The following KPNB1 variants were observed in gnomAD, a reference collection of about 807,000 sequenced individuals.
The protein encoded by KPNB1 is importin subunit beta-1.
In KPNB1, 7 loss-of-function variants were observed where a neutral mutation model predicts 113.0. That is an observed-to-expected ratio of 0.06 (90% CI 0.04 to 0.12). The LOEUF is 0.12. KPNB1 is among the 10% of genes least tolerant of loss of function. KPNB1 has a pLI of 1.00. For synonymous variants in KPNB1, 363 were observed against 378.6 expected, an observed-to-expected ratio of 0.96 and a Z score of 0.48; for missense variants, 400 against 1,054.8, an observed-to-expected ratio of 0.38 and a Z score of 8.60.
Position 47,650,166 on chromosome 17 carries a change from C to A in KPNB1, c.-79C>A. 2 of 1,427,920 alleles carry A rather than the reference C, an allele frequency of 1.4e-6. No homozygotes were observed. The highest frequency in any genetic ancestry group is 1.8e-6 in the Non-Finnish European group (2 of 1,098,426). The allele number at this position is 1,427,920 out of a possible 1,614,324, so 88.5% of individuals were successfully genotyped here. On this transcript the variant is annotated 5_prime_UTR_variant, in exon 1 of 22. Coordinates refer to ENST00000290158, the MANE Select transcript of KPNB1 (RefSeq NM_002265.6). ...CCTCCCTTCCCACCCGACCCCCAACCCCCATCCCCAGTTCGAGCCGCCGCC... is the reference window on the plus strand; with the variant it reads ...CCTCCCTTCCCACCCGACCCCCAACACCCATCCCCAGTTCGAGCCGCCGCC...
chr17:47,676,062 G>T (rs1166971139), intron 15 of KPNB1, among the ~76,000 whole-genome samples: 1 of 152,192 alleles, frequency 6.6e-6, no homozygotes, highest in Non-Finnish European at 1.5e-5. Flanking sequence ...GCTATTATCA[G>T]ATGAGGAGGT....
chr17:47,665,623 A>T (rs2030244520), intron 9 of KPNB1, among the ~76,000 whole-genome samples: 1 of 152,240 alleles, frequency 6.6e-6, no homozygotes, highest in African/African-American at 2.4e-5. Flanking sequence ...CCCAAGAAAG[A>T]AACCCTTCTA....
intron 11 of KPNB1, 141 bp from the exon 12 acceptor site, chr17:47,670,561 T>C (rs923575877): frequency 1.5e-6 from 1 of 678,698 alleles, no homozygotes. Context: ...AAAAGATACC[T>C]GTAAAATGCT....
At chr17:47,658,718 G>T in intron 5 of KPNB1, 58 bp downstream of exon 5, 3 of 1,475,882 alleles carry the variant, frequency 2.0e-6, no homozygotes, top group Non-Finnish European at 2.8e-6. Flanking sequence ...AGAGTTGAAT[G>T]AAAGTTTTTT....
intron 9 of KPNB1, among the ~76,000 whole-genome samples, chr17:47,667,100 A>G (rs2030310070): frequency 6.6e-6 from 1 of 151,382 alleles, no homozygotes; most frequent in South Asian, 2.1e-4. Flanking sequence ...TCTTTTTTGA[A>G]CTTTTGTGGT....
chr17:47,670,093 C>A (rs2030403049), intron 11 of KPNB1, among the ~76,000 whole-genome samples: 1 of 152,104 alleles, frequency 6.6e-6, no homozygotes, highest in South Asian at 2.1e-4. Flanking sequence ...TCATGGTAAC[C>A]CAGTGGGGAA....
rs979364174 is a variant in KPNB1, at chr17:47,668,285, G to A, written c.1099G>A (p.Val367Ile). The stretch of plus-strand genomic sequence containing the variant: ...CTGTGAAGATGACATTGTCCCACAT[G>A]TCCTCCCCTTCATTAAAGAACACAT... ...TCCEDDIVPH[V>I]LPFIKEHIKN... The change falls in exon 10 of 22, where the codon GTC becomes ATC. Residue 367 changes from valine to isoleucine, a missense_variant. Physicochemically the swap from Val to Ile is conservative, Grantham distance 29. This residue lies in a region of KPNB1 where 285 missense variants were observed against 627.0 expected (regional missense o/e 0.45). Coordinates refer to ENST00000290158, the MANE Select transcript of KPNB1 (RefSeq NM_002265.6). 5 of 1,614,112 alleles carry A rather than the reference G, an allele frequency of 3.1e-6. No individual in the cohort carries two copies. Among genetic ancestry groups the A allele is most frequent in the Non-Finnish European group, 4.2e-6 (5 of 1,180,032 alleles).
intron 5 of KPNB1, among the ~76,000 whole-genome samples, chr17:47,660,065 C>A (rs1328836514): frequency 6.6e-6 from 1 of 152,170 alleles, no homozygotes; most frequent in Non-Finnish European, 1.5e-5. Context: ...ATCTCCAGAA[C>A]TTTTTCATCT....
chr17:47,657,284 T>C (rs1020217037), intron 4 of KPNB1, among the ~76,000 whole-genome samples: 16 of 152,206 alleles, frequency 1.1e-4, no homozygotes, highest in East Asian at 3.8e-4. Context: ...CAGAAGTCTA[T>C]GTTTGAAGAG....
chr17:47,649,941 A>C lies in KPNB1; in HGVS notation c.-304A>C. The C allele has an allele frequency of 7.8e-7, 1 of 1,284,864 alleles. No individual in the cohort carries two copies. The highest frequency in any genetic ancestry group is 9.8e-7 in the Non-Finnish European group (1 of 1,017,578). The allele number at this position is 1,284,864 out of a possible 1,614,324, so 79.6% of individuals were successfully genotyped here. ...GCTCCCTCCCTGCGCGCCGCCTCTC[A>C]CTCACAGCCTCCCTTCCTTCTTTCT... On this transcript the variant is annotated 5_prime_UTR_variant, in exon 1 of 22. Transcript: ENST00000290158.
At chr17:47,654,046 G>C (rs1915652314) in intron 3 of KPNB1, among the ~76,000 whole-genome samples, 2 of 152,140 alleles carry the variant, frequency 1.3e-5, no homozygotes, top group Admixed American at 1.3e-4. Flanking sequence ...TAGTAAATGG[G>C]ATAAGATGTA....
In KPNB1 at chr17:47,652,746, A is replaced by G. The variant is rs2143083964; in HGVS notation, c.152A>G (p.Gln51Arg). The G allele has an allele frequency of 6.2e-7, 1 of 1,613,162 alleles. No individual in the cohort carries two copies. The highest frequency in any genetic ancestry group is 8.5e-7 in the Non-Finnish European group (1 of 1,179,718). ...SRVLANPGNS[Q>R]VARVAAGLQI... ...GTGCTGGCAAATCCAGGAAACAGTC[A>G]GGTTGCCAGAGTTGCAGCTGGTCTA... Residue 51 changes from glutamine (Q) to arginine (R), a missense_variant, in exon 3 of 22, where the codon CAG becomes CGG. By Grantham distance (43) the Gln-to-Arg change is conservative. Transcript: ENST00000290158.
At position 47,649,926 on chromosome 17, in the gene KPNB1, T is replaced by A; in HGVS notation, c.-319T>A. 2 of 1,274,752 alleles carry A rather than the reference T, an allele frequency of 1.6e-6. No individual in the cohort carries two copies. The highest frequency in any genetic ancestry group is 2.9e-4 in the Middle Eastern group (1 of 3,390). The allele number at this position is 1,274,752 out of a possible 1,614,324, so 79.0% of individuals were successfully genotyped here. On this transcript the variant is annotated 5_prime_UTR_variant, in exon 1 of 22. Transcript: ENST00000290158. Reference sequence around the variant, plus strand: ...CTTCCTCCCTCCCTCGCTCCCTCCCTGCGCGCCGCCTCTCACTCACAGCCT... The same window carrying A: ...CTTCCTCCCTCCCTCGCTCCCTCCCAGCGCGCCGCCTCTCACTCACAGCCT...
intron 7 of KPNB1, 99 bp from the exon 8 acceptor site, chr17:47,664,060 C>A: frequency 1.5e-6 from 1 of 660,478 alleles, no homozygotes; most frequent in Non-Finnish European, 2.7e-6. Context: ...TTTATAGTTA[C>A]ATTTCTGAAA....
Position 47,683,110 on chromosome 17 carries a change from A to AAAAAAAAAC in KPNB1, c.*714_*715insCAAAAAAAA, listed in dbSNP as rs2030838411. On this transcript the variant is annotated 3_prime_UTR_variant, in exon 22 of 22. Coordinates refer to ENST00000290158, the MANE Select transcript of KPNB1 (RefSeq NM_002265.6). ...AGATGTAAAAAAAAAAAAAAAAAAA[A>AAAAAAAAAC]AAAAAAAAACACACACACAGAGGAA... 4.1e-5 allele frequency: 6 copies of AAAAAAAAAC among 147,348 alleles called. No individual in the cohort carries two copies. Among genetic ancestry groups the AAAAAAAAAC allele is most frequent in the Non-Finnish European group, 9.0e-5 (6 of 66,842 alleles). 9.1% of individuals were successfully genotyped at this position (147,348 alleles called of 1,614,324 possible). A position where few individuals can be genotyped will look rare whatever the true frequency, so the allele number is the denominator to read the frequency against.
rs1179007411 is a variant in KPNB1, at chr17:47,650,186, G to A, written c.-59G>A. 5 of 1,359,766 alleles carry A rather than the reference G, an allele frequency of 3.7e-6. No homozygotes were observed. The highest frequency in any genetic ancestry group is 3.5e-5 in the African/African-American group (2 of 57,698). 84.2% of individuals were successfully genotyped at this position (1,359,766 alleles called of 1,614,324 possible). ...CCAACCCCCATCCCCAGTTCGAGCC[G>A]CCGCCCGAAAGGCCGGGCCGTCGTC... is the stretch of plus-strand genomic sequence containing the variant. On this transcript the variant is annotated 5_prime_UTR_variant, in exon 1 of 22. Coordinates refer to ENST00000290158, the MANE Select transcript of KPNB1 (RefSeq NM_002265.6).
chr17:47,666,569 A>G (rs1054005340), intron 9 of KPNB1, among the ~76,000 whole-genome samples: 5 of 144,716 alleles, frequency 3.5e-5, no homozygotes, highest in African/African-American at 1.0e-4. Flanking sequence ...TATATGTTAT[A>G]TATTTTATAT....
chr17:47,657,469 A>G (rs1435623189), intron 4 of KPNB1, among the ~76,000 whole-genome samples: 3 of 152,160 alleles, frequency 2.0e-5, no homozygotes, highest in Non-Finnish European at 2.9e-5. Flanking sequence ...GAGACACAGT[A>G]TTTTAGATGT....
intron 6 of KPNB1, chr17:47,662,028 A>C (rs1425359275): frequency 6.6e-6 from 1 of 152,228 alleles, no homozygotes; most frequent in Non-Finnish European, 1.5e-5. Flanking sequence ...CTGACCCTTC[A>C]AGAAGATAGA....
Sources: allele counts gnomAD v4.1 joint callset (sites outside exome capture counted in the v4.1 genomes callset), GRCh38; gene constraint gnomAD v4.1.1; regional missense constraint gnomAD v4.1.1; transcripts MANE v1.5; gene names NCBI Gene and HGNC (gene_info 2026-07-23, HGNC 2026-07-21).